Variants in PRRT1B observed in about 807,000 individuals in gnomAD.
PRRT1B encodes the protein dispanin subfamily D member 2.
At chr9:131,558,122 G>T in exon 4 of PRRT1B, 1 of 401,084 alleles carries the variant, frequency 2.5e-6, no homozygotes, top group East Asian at 3.6e-5. Context: ...CCGCTCGCTG[G>T]TGCTCTTCAG....
chr9:131,545,769 G>A, intron 1 of PRRT1B, 129 bp downstream of exon 1: 1 of 403,098 alleles, frequency 2.5e-6, no homozygotes, highest in Non-Finnish European at 4.3e-6. Flanking sequence ...AGGTGCTGGC[G>A]GAGCGGGTGC....
At chr9:131,548,659 C>T (rs550965465) in intron 1 of PRRT1B, among the ~76,000 whole-genome samples, 6 of 152,290 alleles carry the variant, frequency 3.9e-5, no homozygotes, top group African/African-American at 1.4e-4. Context: ...GTCCCAACCC[C>T]AAGCGTCACT....
intron 1 of PRRT1B, among the ~76,000 whole-genome samples, chr9:131,549,656 A>G (rs1025127013): frequency 2.0e-5 from 3 of 152,016 alleles, no homozygotes; most frequent in South Asian, 4.1e-4. Flanking sequence ...CCCCTTCTTA[A>G]TCAATACGGA....
chr9:131,551,115 T>C lies in PRRT1B; in HGVS notation c.26-3442T>C, dbSNP rs1389788962. ...CCGCCACCATGCTCCGCTAATTTTTTGTATTTTTAGTAGAGACGGGGTTAC... is the reference window on the plus strand; with the variant it reads ...CCGCCACCATGCTCCGCTAATTTTTCGTATTTTTAGTAGAGACGGGGTTAC... On this transcript the variant is annotated intron_variant, in intron 1 of 3. Coordinates refer to ENST00000636672, the Ensembl canonical transcript of PRRT1B. This position sits in a 1 kb window ranked among gnomAD's most constrained non-coding sequence, Gnocchi z 4.4. Among the ~76,000 whole-genome samples, 1 of 151,940 alleles carries C rather than the reference T, an allele frequency of 6.6e-6. No individual in the cohort carries two copies. Among genetic ancestry groups the C allele is most frequent in the Non-Finnish European group, 1.5e-5 (1 of 67,984 alleles).
intron 3 of PRRT1B, 122 bp downstream of exon 3, chr9:131,556,335 G>A (rs896370248): frequency 1.6e-4 from 62 of 397,142 alleles, no homozygotes; most frequent in Middle Eastern, 1.1e-3. Flanking sequence ...CTGGAGGGGG[G>A]TGGGAATTGG....
intron 1 of PRRT1B, among the ~76,000 whole-genome samples, chr9:131,547,713 G>A (rs915936969): frequency 5.3e-5 from 8 of 152,224 alleles, no homozygotes; most frequent in Admixed American, 3.9e-4. Context: ...ATCCACCTAC[G>A]ACCTCGGGTC....
chr9:131,558,350 GC>G, exon 4 of PRRT1B: 1 of 396,800 alleles, frequency 2.5e-6, no homozygotes, highest in Non-Finnish European at 4.4e-6. Context: ...AGGCTTGGCA[GC>G]CCTCAACTGA....
At chr9:131,559,414 C>G (rs1415094756), downstream of PRRT1B, among the ~76,000 whole-genome samples, 1 of 152,244 alleles carries the variant, frequency 6.6e-6, no homozygotes, top group Non-Finnish European at 1.5e-5. Flanking sequence ...GCACTCCAGC[C>G]TGGGTGACAG....
chr9:131,559,651 T>C (rs977193915), downstream of PRRT1B, among the ~76,000 whole-genome samples: 1 of 152,184 alleles, frequency 6.6e-6, no homozygotes, highest in Non-Finnish European at 1.5e-5. Flanking sequence ...AAGTAAGTCA[T>C]GAGCAGCCTG....
At chr9:131,555,174 G>C (rs1951040875) in intron 2 of PRRT1B, 145 bp downstream of exon 2, 1 of 360,206 alleles carries the variant, frequency 2.8e-6, no homozygotes, top group African/African-American at 2.2e-5. Context: ...ATTTGAGCGG[G>C]GTTTTGGAGG....
At chr9:131,548,271 C>G (rs963373510) in intron 1 of PRRT1B, among the ~76,000 whole-genome samples, 4 of 152,036 alleles carry the variant, frequency 2.6e-5, no homozygotes, top group African/African-American at 9.7e-5. Context: ...CTCCGTATCT[C>G]TACCCTTCTT....
chr9:131,555,363 A>T (rs1951042335), intron 2 of PRRT1B, among the ~76,000 whole-genome samples: 1 of 152,100 alleles, frequency 6.6e-6, no homozygotes, highest in African/African-American at 2.4e-5. Flanking sequence ...GCAGGAGGTG[A>T]CTTGATTAGA....
chr9:131,550,659 G>A (rs1350394853), intron 1 of PRRT1B, among the ~76,000 whole-genome samples: 2 of 152,146 alleles, frequency 1.3e-5, no homozygotes, highest in Non-Finnish European at 2.9e-5. Flanking sequence ...ACTGCGCCCC[G>A]TAGCCTTTCT....
chr9:131,555,026 C>T (rs1056532683), exon 2 of PRRT1B: 3 of 392,092 alleles, frequency 7.7e-6, no homozygotes, highest in Admixed American at 4.5e-5. Flanking sequence ...TCCCCTTCCC[C>T]GTGGTGAGTG....
chr9:131,549,571 G>A (rs931917277), intron 1 of PRRT1B, among the ~76,000 whole-genome samples: 4 of 152,146 alleles, frequency 2.6e-5, no homozygotes, highest in Non-Finnish European at 4.4e-5. Flanking sequence ...CACGCTGCCC[G>A]ATCGCCTCAG....
rs371929071 is a variant in PRRT1B at position 131,549,074 on chromosome 9, A to T, written c.25+3434A>T. Among the ~76,000 whole-genome samples, 41 of 152,284 alleles carry T rather than the reference A, an allele frequency of 2.7e-4. No individual in the cohort carries two copies. In the East Asian group the frequency reaches 7.5e-3, roughly 28 times the overall value. On this transcript the variant is annotated intron_variant, in intron 1 of 3. Transcript: ENST00000636672. The stretch of plus-strand genomic sequence containing the variant: ...CCCTAAAAGGTCAAAAGGCCATCTT[A>T]TTCTCAATATACATTTTATTACCCA...
At position 131,554,538 on chromosome 9, in the gene PRRT1B, C is replaced by T; in HGVS notation, c.26-19C>T. 1 of 393,564 alleles carries T rather than the reference C, an allele frequency of 2.5e-6. No homozygotes were observed. The highest frequency in any genetic ancestry group is 3.6e-5 in the East Asian group (1 of 27,810). 24.4% of individuals were successfully genotyped at this position (393,564 alleles called of 1,614,324 possible). A position where few individuals can be genotyped will look rare whatever the true frequency, so the allele number is the denominator to read the frequency against. On this transcript the variant is annotated intron_variant, in intron 1 of 3. Coordinates refer to ENST00000636672, the Ensembl canonical transcript of PRRT1B. ...AGCCCGGCGGCCTCTTGCTCACGAC[C>T]GCTGCCATTTCTTTCTAGGGTCCGA...
rs143479793 is a variant in PRRT1B at position 131,555,216 on chromosome 9, C to T, written c.498+187C>T. Among the ~76,000 whole-genome samples, 502 of 152,040 alleles carry T rather than the reference C, an allele frequency of 3.3e-3. 2 individuals carry two copies. Among genetic ancestry groups the T allele is most frequent in the African/African-American group, 0.011 (466 of 41,444 alleles). On this transcript the variant is annotated intron_variant, in intron 2 of 3. Transcript: ENST00000636672. ...AGGAGGGCTAAGGCAAAGAGAACGA[C>T]GGGCGCCCTGGACAGAGGACACCGC...
intron 1 of PRRT1B, 140 bp from the exon 2 acceptor site, chr9:131,554,417 T>C: frequency 2.7e-6 from 1 of 369,872 alleles, no homozygotes; most frequent in Non-Finnish European, 4.8e-6. Context: ...TCTGGGCCTG[T>C]TTTTTAGTCC....
Sources: allele counts gnomAD v4.1 joint callset (sites outside exome capture counted in the v4.1 genomes callset), GRCh38; gene constraint gnomAD v4.1.1; non-coding constraint Gnocchi (gnomAD v3.1); transcripts MANE v1.5; gene names NCBI Gene and HGNC (gene_info 2026-07-23, HGNC 2026-07-21).